The following DLGAP2 variants were observed in gnomAD, a reference collection of about 807,000 sequenced individuals.
DLGAP2 encodes the protein disks large-associated protein 2.
DLGAP2 carries 26 observed loss-of-function variants against 100.3 expected under a neutral mutation model. That is an observed-to-expected ratio of 0.26 (90% CI 0.19 to 0.36). The LOEUF (loss-of-function observed/expected upper bound fraction) is 0.36, where lower values mean the gene tolerates loss of function less well. Ranked by LOEUF, DLGAP2 falls within the 10% of genes least tolerant of loss-of-function variation. The pLI, the probability that DLGAP2 is intolerant of heterozygous loss-of-function variation, is 1.00. For synonymous variants in DLGAP2, 886 were observed against 630.1 expected (o/e 1.41, Z -6.08); for missense variants, 1,858 against 1,453.2 (o/e 1.28, Z -4.53).
At chr8:911,275 A>C (rs558339556) in intron 2 of DLGAP2, among the ~76,000 whole-genome samples, 68 of 152,316 alleles carry the variant, frequency 4.5e-4, no homozygotes, top group African/African-American at 1.6e-3. Context: ...ATGCGTGTGT[A>C]ATGTATGTTG....
At chr8:1,442,804 A>C (rs1159130382) in intron 3 of DLGAP2, among the ~76,000 whole-genome samples, 1 of 149,354 alleles carries the variant, frequency 6.7e-6, no homozygotes. Flanking sequence ...GGGTTCAGCC[A>C]CTGGGGGAGA....
intron 2 of DLGAP2, among the ~76,000 whole-genome samples, chr8:1,004,541 C>T (rs964354866): frequency 1.3e-5 from 2 of 152,198 alleles, no homozygotes; most frequent in Non-Finnish European, 2.9e-5. Context: ...TGGAATCTCC[C>T]TTTGGCCTCA....
chr8:1,623,416 A>C, intron 6 of DLGAP2, among the ~76,000 whole-genome samples: 1 of 151,782 alleles, frequency 6.6e-6, no homozygotes, highest in East Asian at 1.9e-4. Context: ...ACCTGGCACC[A>C]GTGCTTGATG....
intron 6 of DLGAP2, among the ~76,000 whole-genome samples, chr8:1,616,511 G>A (rs1009823130): frequency 1.3e-5 from 2 of 152,142 alleles, no homozygotes; most frequent in East Asian, 1.9e-4. Context: ...GGGTCAAACA[G>A]AAACCAGAGG....
chr8:931,075 A>G (rs1035465204), intron 2 of DLGAP2, among the ~76,000 whole-genome samples: 1 of 147,432 alleles, frequency 6.8e-6, no homozygotes, highest in Non-Finnish European at 1.5e-5. Flanking sequence ...AAAAGGGAGG[A>G]TTTTTTTTTT....
intron 2 of DLGAP2, among the ~76,000 whole-genome samples, chr8:1,168,309 C>A (rs1048787391): frequency 4.6e-5 from 7 of 151,706 alleles, no homozygotes; most frequent in Admixed American, 1.3e-4. Context: ...GGTTCCAAGT[C>A]TTTGCTATTG....
At chr8:753,951 G>A (rs1384935205) in intron 1 of DLGAP2, 1 of 152,236 alleles carries the variant, frequency 6.6e-6, no homozygotes, top group Non-Finnish European at 1.5e-5. Context: ...CCGACCCTGG[G>A]CGCGGTGTCA....
chr8:1,475,957 G>T (rs183434281), intron 3 of DLGAP2, among the ~76,000 whole-genome samples: 5 of 152,202 alleles, frequency 3.3e-5, no homozygotes, highest in Admixed American at 3.3e-4. Context: ...AATGGTTTTT[G>T]TAGTTACTCT....
intron 2 of DLGAP2, among the ~76,000 whole-genome samples, chr8:1,206,383 T>A (rs1048069793): frequency 6.6e-6 from 1 of 151,672 alleles, no homozygotes; most frequent in Non-Finnish European, 1.5e-5. Flanking sequence ...CTGTGAGCGG[T>A]TAATCTCCAG....
intron 1 of DLGAP2, among the ~76,000 whole-genome samples, chr8:847,764 C>G (rs1226146489): frequency 6.6e-6 from 1 of 152,180 alleles, no homozygotes; most frequent in African/African-American, 2.4e-5. Context: ...ACCTCGGCCT[C>G]CCAAAGTGCT....
In DLGAP2 at chr8:1,306,628, C is replaced by A. The variant is rs573482178; in HGVS notation, c.106+47745C>A. ...GAACTAAGTTGGAGTCTCACACTTC[C>A]TGATTTCAAAACTTACTACAGAGCT... On this transcript the variant is annotated intron_variant, in intron 3 of 14. Transcript: ENST00000637795. 4.6e-5 allele frequency among the ~76,000 whole-genome samples: 7 copies of A among 151,722 alleles called. No homozygotes were observed. The East Asian group carries it at 1.4e-3, about 29-fold the overall frequency.
chr8:1,009,492 C>G (rs775665610), intron 2 of DLGAP2, among the ~76,000 whole-genome samples: 1 of 152,194 alleles, frequency 6.6e-6, no homozygotes, highest in African/African-American at 2.4e-5. Flanking sequence ...TTTTCTTTGA[C>G]TGAATGATGA....
chr8:937,283 A>G (rs1397778222), intron 2 of DLGAP2, among the ~76,000 whole-genome samples: 1 of 152,186 alleles, frequency 6.6e-6, no homozygotes, highest in East Asian at 1.9e-4. Context: ...TATGGATTCA[A>G]AAACATGCCC....
intron 2 of DLGAP2, among the ~76,000 whole-genome samples, chr8:1,149,543 T>C (rs1796663211): frequency 6.6e-6 from 1 of 152,234 alleles, no homozygotes. Context: ...AATATTTGCA[T>C]GTTATGTCTT....
intron 1 of DLGAP2, among the ~76,000 whole-genome samples, chr8:882,701 T>C (rs1448506717): frequency 3.4e-5 from 4 of 117,074 alleles, no homozygotes; most frequent in Non-Finnish European, 7.1e-5. Context: ...GATCCAGCGG[T>C]ACCTCTCCCT....
chr8:1,698,858 G>A (rs1799488062), intron 14 of DLGAP2, among the ~76,000 whole-genome samples: 2 of 149,926 alleles, frequency 1.3e-5, no homozygotes, highest in African/African-American at 2.5e-5. Context: ...AGCCATGTGT[G>A]GGACTAGGCA....
intron 2 of DLGAP2, among the ~76,000 whole-genome samples, chr8:1,039,156 GCGTGGTC>G (rs1563158316): frequency 4.8e-4 from 37 of 76,450 alleles, no homozygotes; most frequent in Non-Finnish European, 9.9e-4. Flanking sequence ...ATGTGGAAAT[GCGTGGTC>G]AGCTCGGTGT....
At chr8:1,089,559 A>C (rs939045095) in intron 2 of DLGAP2, among the ~76,000 whole-genome samples, 1 of 152,218 alleles carries the variant, frequency 6.6e-6, no homozygotes, top group African/African-American at 2.4e-5. Flanking sequence ...CCTCCTTGCC[A>C]TGCAGGCTGA....
intron 3 of DLGAP2, among the ~76,000 whole-genome samples, chr8:1,341,683 G>T (rs974103925): frequency 6.6e-6 from 1 of 152,210 alleles, no homozygotes. Context: ...GGGAAACAGA[G>T]ATGAGCCCCT....
Sources: allele counts gnomAD v4.1 joint callset (sites outside exome capture counted in the v4.1 genomes callset), GRCh38; gene constraint gnomAD v4.1.1; transcripts MANE v1.5; gene names NCBI Gene and HGNC (gene_info 2026-07-23, HGNC 2026-07-21).